Variants in ZBTB39 observed in about 807,000 individuals in gnomAD.
ZBTB39 encodes zinc finger and BTB domain-containing protein 39.
Under a neutral mutation model 39.4 loss-of-function variants are expected in ZBTB39, and 25 were observed. That is an observed-to-expected ratio of 0.63 (90% CI 0.46 to 0.89). The LOEUF is 0.89. Among genes scored for constraint, ZBTB39 ranks in the 40% least tolerant of loss-of-function variants. The pLI is 0.00. For missense variants in ZBTB39, 891 were observed against 909.7 expected (o/e 0.98, Z 0.26); for synonymous variants, 373 against 359.6 (o/e 1.04, Z -0.42).
Position 57,006,533 on chromosome 12 carries a change from C to A in ZBTB39, c.-173G>T, listed in dbSNP as rs1473185937. The A allele has an allele frequency of 1.4e-5, 2 of 145,502 alleles. No homozygotes were observed. Among genetic ancestry groups the A allele is most frequent in the South Asian group, 2.0e-4 (1 of 4,960 alleles). 9.0% of individuals were successfully genotyped at this position (145,502 alleles called of 1,614,324 possible). ...CAGACTCTCCATCCGCCGCGCGGCT[C>A]GCCGCGACGGCCCGGGCCGCCCCCG... On this transcript the variant is annotated 5_prime_UTR_variant, in exon 1 of 2. Coordinates refer to ENST00000300101, the MANE Select transcript of ZBTB39 (RefSeq NM_014830.3).
intron 1 of ZBTB39, 133 bp downstream of exon 1, chr12:57,006,272 G>T: frequency 6.6e-6 from 1 of 152,624 alleles, no homozygotes; most frequent in South Asian, 1.8e-4. Context: ...GGCCGGCCGG[G>T]GTCGGCGCGC....
At position 57,002,936 on chromosome 12, in the gene ZBTB39, T is replaced by C. The variant is rs1446957359; in HGVS notation, c.1982A>G (p.Tyr661Cys). 1.2e-6 allele frequency: 2 copies of C among 1,614,184 alleles called. No homozygotes were observed. Among genetic ancestry groups the C allele is most frequent in the Non-Finnish European group, 1.7e-6 (2 of 1,180,034 alleles). ...GTAGTGCCCACAGACTGTGCAGCGG[T>C]ACATGAGGGCCCCCGAGTGTGTCTT... ...HLKTHSGALMYRCTVCGHYSS... is the reference protein window; with the variant it reads ...HLKTHSGALMCRCTVCGHYSS... The change falls in exon 2 of 2, where the codon TAC (tyrosine) becomes TGC (cysteine). Residue 661 changes from tyrosine (Y) to cysteine (C), a missense_variant. Transcript: ENST00000300101.
At position 57,004,423 on chromosome 12, in the gene ZBTB39, G is replaced by A. The variant is rs1437419085; in HGVS notation, c.495C>T (p.Tyr165=). The change falls in exon 2 of 2, where the codon TAC becomes TAT. Residue 165 remains tyrosine (Y), a synonymous_variant. Coordinates refer to ENST00000300101, the MANE Select transcript of ZBTB39 (RefSeq NM_014830.3). ...PLGELRGGGD[Y]LGADRNYVLP... ...ACACATAGTTTCTATCAGCACCAAG[G>A]TAGTCCCCACCACCTCGGAGTTCTC... 6.2e-7 allele frequency: 1 copy of A among 1,614,164 alleles called. No homozygotes were observed. The highest frequency in any genetic ancestry group is 2.2e-5 in the East Asian group (1 of 44,886).
Position 57,003,564 on chromosome 12 carries a change from T to G in ZBTB39, c.1354A>C (p.Lys452Gln). Residue 452 changes from lysine (K) to glutamine (Q), a missense_variant, in exon 2 of 2, where the codon AAA becomes CAA. Lys to Gln is a moderately conservative substitution (Grantham distance 53). Transcript: ENST00000300101. The surrounding 1 kb of genome is among the most constrained non-coding windows in gnomAD (Gnocchi z 4.8). Reference protein sequence around the residue: ...LFSGAASPELKCAACGKVLAK... With the variant: ...LFSGAASPELQCAACGKVLAK... The stretch of plus-strand genomic sequence containing the variant: ...AATACTTTCCCACAGGCAGCGCATT[T>G]CAGCTCTGGGGAGGCTGCCCCTGAA... The G allele has an allele frequency of 6.2e-7, 1 of 1,614,136 alleles. No individual in the cohort carries two copies. Among genetic ancestry groups the G allele is most frequent in the Non-Finnish European group, 8.5e-7 (1 of 1,179,974 alleles).
Position 57,003,149 on chromosome 12 carries a change from A to G in ZBTB39, c.1769T>C (p.Leu590Pro), listed in dbSNP as rs1233553758. ...QKRKLPAEEF[L>P]GEELALQGQP... ...GCCCTGCAGCGCCAGCTCTTCACCCAGAAACTCCTCTGCTGGCAGCTTCCG... is the reference window on the plus strand; with the variant it reads ...GCCCTGCAGCGCCAGCTCTTCACCCGGAAACTCCTCTGCTGGCAGCTTCCG... Residue 590 changes from leucine to proline, a missense_variant, in exon 2 of 2, where the codon CTG (leucine) becomes CCG (proline). Transcript: ENST00000300101. The surrounding 1 kb of genome is among the most constrained non-coding windows in gnomAD (Gnocchi z 4.8). 1.2e-6 allele frequency: 2 copies of G among 1,614,062 alleles called. No individual in the cohort carries two copies. The highest frequency in any genetic ancestry group is 1.7e-6 in the Non-Finnish European group (2 of 1,180,044).
At position 57,003,613 on chromosome 12, in the gene ZBTB39, G is replaced by A. The variant is rs748526241; in HGVS notation, c.1305C>T (p.Pro435=). The A allele has an allele frequency of 1.9e-6, 3 of 1,614,096 alleles. No individual in the cohort carries two copies. Among genetic ancestry groups the A allele is most frequent in the South Asian group, 1.1e-5 (1 of 91,080 alleles). Residue 435 remains proline, a synonymous_variant, in exon 2 of 2, where the codon CCC becomes CCT. Coordinates refer to ENST00000300101, the MANE Select transcript of ZBTB39 (RefSeq NM_014830.3). The surrounding 1 kb of genome is among the most constrained non-coding windows in gnomAD (Gnocchi z 4.8). ...ENNIIVHPND[P]LPGKLGLFSG... ...AAAAGAGACCCAGCTTCCCTGGCAG[G>A]GGATCGTTGGGGTGGACAATGATGT...
Position 57,004,820 on chromosome 12 carries a change from G to C in ZBTB39, c.98C>G (p.Thr33Ser), listed in dbSNP as rs1956235821. 1 of 1,614,214 alleles carries C rather than the reference G, an allele frequency of 6.2e-7. No homozygotes were observed. Among genetic ancestry groups the C allele is most frequent in the Non-Finnish European group, 8.5e-7 (1 of 1,180,024 alleles). ...CRLSETMCDV[T>S]IVVGSRSFPA... ...GAAGGAGCGGCTCCCCACCACAATG[G>C]TGACGTCGCACATGGTCTCTGAGAG... The change falls in exon 2 of 2, where the codon ACC (threonine) becomes AGC (serine). Residue 33 changes from threonine (T) to serine (S), a missense_variant. Transcript: ENST00000300101.
At position 57,002,862 on chromosome 12, in the gene ZBTB39, T is replaced by C; in HGVS notation, c.2056A>G (p.Ser686Gly). 1 of 1,614,208 alleles carries C rather than the reference T, an allele frequency of 6.2e-7. No homozygotes were observed. Residue 686 changes from serine to glycine, a missense_variant, in exon 2 of 2, where the codon AGC (serine) becomes GGC (glycine). Transcript: ENST00000300101. The stretch of plus-strand genomic sequence containing the variant: ...TCGATGGTGAAGTCAGGGGGGAGGC[T>C]GCCTTTGTGCACACCAACATGTTTG... ...MSKHVGVHKG[S>G]LPPDFTIEQT...
At chr12:57,006,330 C>T (rs1465950379) in intron 1 of ZBTB39, 75 bp downstream of exon 1, 1 of 152,134 alleles carries the variant, frequency 6.6e-6, no homozygotes, top group Non-Finnish European at 1.5e-5. Flanking sequence ...AGAGGGACCC[C>T]AGCAAGAGCG....
At position 57,002,809 on chromosome 12, in the gene ZBTB39, G is replaced by A; in HGVS notation, c.2109C>T (p.Ser703=). ...TGTCCGGGTTCTTATCCGCCTCTTT[G>A]GAATGGATGATGTACATGAAGGTCT... ...IEQTFMYIIH[S]KEADKNPDS The change falls in exon 2 of 2, where the codon TCC becomes TCT. Residue 703 remains serine, a synonymous_variant. Transcript: ENST00000300101. The A allele has an allele frequency of 6.2e-7, 1 of 1,614,132 alleles. No individual in the cohort carries two copies. The highest frequency in any genetic ancestry group is 8.5e-7 in the Non-Finnish European group (1 of 1,179,994).
rs201371513 is a variant in ZBTB39 at position 57,004,596 on chromosome 12, G to A, written c.322C>T (p.Arg108Cys). The change falls in exon 2 of 2, where the codon CGT becomes TGT. Residue 108 changes from arginine to cysteine, a missense_variant. Arg to Cys is a radical substitution (Grantham distance 180). Coordinates refer to ENST00000300101, the MANE Select transcript of ZBTB39 (RefSeq NM_014830.3). ...NVGVIYEVAE[R>C]LGMEDLLQAC... ...TGGAGGAGGTCCTCCATACCCAGAC[G>A]CTCAGCTACCTCGTAGATGACCCCA... 3.7e-6 allele frequency: 6 copies of A among 1,614,184 alleles called. No individual in the cohort carries two copies. Among genetic ancestry groups the A allele is most frequent in the Admixed American group, 1.7e-5 (1 of 60,028 alleles).
In ZBTB39 at chr12:57,004,847, C is replaced by T. The variant is rs747877060; in HGVS notation, c.71G>A (p.Arg24Gln). The change falls in exon 2 of 2, where the codon CGG becomes CAG. Residue 24 changes from arginine (R) to glutamine (Q), a missense_variant. By Grantham distance (43) the Arg-to-Gln change is conservative. Coordinates refer to ENST00000300101, the MANE Select transcript of ZBTB39 (RefSeq NM_014830.3). ...GACGTCGCACATGGTCTCTGAGAGC[C>T]GGCACTTGTTGAGTTCCTTCAGCAG... ...NNLLKELNKC[R>Q]LSETMCDVTI... The T allele has an allele frequency of 3.7e-6, 6 of 1,613,630 alleles. No individual in the cohort carries two copies. The highest frequency in any genetic ancestry group is 5.1e-6 in the Non-Finnish European group (6 of 1,179,802).
chr12:57,003,043 C>G lies in ZBTB39; in HGVS notation c.1875G>C (p.Arg625=). 6.2e-7 allele frequency: 1 copy of G among 1,613,662 alleles called. No homozygotes were observed. Among genetic ancestry groups the G allele is most frequent in the Non-Finnish European group, 8.5e-7 (1 of 1,179,894 alleles). Residue 625 remains arginine, a synonymous_variant, in exon 2 of 2, where the codon CGG becomes CGC. Transcript: ENST00000300101. The surrounding 1 kb of genome is among the most constrained non-coding windows in gnomAD (Gnocchi z 4.8). ...GGTATGGCTTCTCCCCCGTGTGGAT[C>G]CGCCGGTGGTAGTTGAATTCGCTTG... ...AHTSEFNYHR[R]IHTGEKPYQC...
Position 57,001,601 on chromosome 12 carries a change from TA to T in ZBTB39, c.*1177del, listed in dbSNP as rs1956210444. On this transcript the variant is annotated 3_prime_UTR_variant, in exon 2 of 2. Coordinates refer to ENST00000300101, the MANE Select transcript of ZBTB39 (RefSeq NM_014830.3). ...AGGGCCTGAACCAGCTGCCATCCAA[TA>T]GCGCCCCCTGGAGGTGATGGCAACG... The T allele has an allele frequency of 6.5e-6, 1 of 152,778 alleles. No homozygotes were observed. Among genetic ancestry groups the T allele is most frequent in the Admixed American group, 6.5e-5 (1 of 15,278 alleles). The allele number at this position is 152,778 out of a possible 1,614,324, so 9.5% of individuals were successfully genotyped here. A position where few individuals can be genotyped will look rare whatever the true frequency, so the allele number is the denominator to read the frequency against.
intron 1 of ZBTB39, among the ~76,000 whole-genome samples, chr12:57,005,521 C>T (rs1956239927): frequency 6.6e-6 from 1 of 152,146 alleles, no homozygotes; most frequent in African/African-American, 2.4e-5. Flanking sequence ...TACTACATAC[C>T]CGCTCTCTGG....
chr12:57,003,745 G>T lies in ZBTB39; in HGVS notation c.1173C>A (p.Val391=), dbSNP rs769607497. 7 of 1,614,088 alleles carry T rather than the reference G, an allele frequency of 4.3e-6. No homozygotes were observed. The highest frequency in any genetic ancestry group is 5.9e-6 in the Non-Finnish European group (7 of 1,180,052). Reference sequence around the variant, plus strand: ...AAAGGAAAATACCAATGTGGGACAGGACATGAGTTACCCGGGAGTTTCGGT... The same window carrying T: ...AAAGGAAAATACCAATGTGGGACAGTACATGAGTTACCCGGGAGTTTCGGT... ...FQDRNSRVTH[V]LSHIGIFLFS... Residue 391 remains valine (V), a synonymous_variant, in exon 2 of 2, where the codon GTC becomes GTA. Coordinates refer to ENST00000300101, the MANE Select transcript of ZBTB39 (RefSeq NM_014830.3). The surrounding 1 kb of genome is among the most constrained non-coding windows in gnomAD (Gnocchi z 4.8).
In ZBTB39 at chr12:57,003,386, G is replaced by C; in HGVS notation, c.1532C>G (p.Ser511Cys). Residue 511 changes from serine to cysteine, a missense_variant, in exon 2 of 2, where the codon TCT becomes TGT. By Grantham distance (112) the Ser-to-Cys change is moderately radical. Coordinates refer to ENST00000300101, the MANE Select transcript of ZBTB39 (RefSeq NM_014830.3). The surrounding 1 kb of genome is among the most constrained non-coding windows in gnomAD (Gnocchi z 4.8). Reference protein sequence around the residue: ...SHLGISVFSCSVCANSFVDWH... With the variant: ...SHLGISVFSCCVCANSFVDWH... Reference sequence around the variant, plus strand: ...GTCCACAAAGCTGTTCGCACAGACAGAACAGGAGAAGACTGAGATGCCGAG... The same window carrying C: ...GTCCACAAAGCTGTTCGCACAGACACAACAGGAGAAGACTGAGATGCCGAG... The C allele has an allele frequency of 6.2e-7, 1 of 1,614,200 alleles. No individual in the cohort carries two copies. Among genetic ancestry groups the C allele is most frequent in the Non-Finnish European group, 8.5e-7 (1 of 1,180,016 alleles).
In ZBTB39 at chr12:57,003,032, C is replaced by G; in HGVS notation, c.1886G>C (p.Gly629Ala). 1 of 1,614,190 alleles carries G rather than the reference C, an allele frequency of 6.2e-7. No individual in the cohort carries two copies. Among genetic ancestry groups the G allele is most frequent in the Non-Finnish European group, 8.5e-7 (1 of 1,180,032 alleles). Residue 629 changes from glycine to alanine, a missense_variant, in exon 2 of 2, where the codon GGG becomes GCG. By Grantham distance (60) the Gly-to-Ala change is moderately conservative. Coordinates refer to ENST00000300101, the MANE Select transcript of ZBTB39 (RefSeq NM_014830.3). The surrounding 1 kb of genome is among the most constrained non-coding windows in gnomAD (Gnocchi z 4.8). ...CACCTTACATTGGTATGGCTTCTCC[C>G]CCGTGTGGATCCGCCGGTGGTAGTT... is the stretch of plus-strand genomic sequence containing the variant. ...EFNYHRRIHT[G>A]EKPYQCKVCH...
In ZBTB39 at chr12:57,003,697, A is replaced by T; in HGVS notation, c.1221T>A (p.Thr407=). The part of the protein sequence containing the change: ...IFLFSCDMCE[T]KFFTQWQLTL... ...TCAGCTGCCACTGGGTAAAGAACTT[A>T]GTTTCACACATGTCGCAGGAGAAAA... The change falls in exon 2 of 2, where the codon ACT becomes ACA. Residue 407 remains threonine, a synonymous_variant. Coordinates refer to ENST00000300101, the MANE Select transcript of ZBTB39 (RefSeq NM_014830.3). This position sits in a 1 kb window ranked among gnomAD's most constrained non-coding sequence, Gnocchi z 4.8. 1 of 1,614,222 alleles carries T rather than the reference A, an allele frequency of 6.2e-7. No homozygotes were observed. The highest frequency in any genetic ancestry group is 1.3e-5 in the African/African-American group (1 of 75,050).
Sources: allele counts gnomAD v4.1 joint callset (sites outside exome capture counted in the v4.1 genomes callset), GRCh38; gene constraint gnomAD v4.1.1; non-coding constraint Gnocchi (gnomAD v3.1); transcripts MANE v1.5; gene names NCBI Gene and HGNC (gene_info 2026-07-23, HGNC 2026-07-21).